Variants in TRDN observed in about 807,000 individuals in gnomAD.
TRDN encodes the protein triadin in skeletal muscle.
Under a neutral mutation model 149.7 loss-of-function variants are expected in TRDN, and 161 were observed. The observed-to-expected ratio is 1.08, with a 90% CI of 0.95 to 1.23. The LOEUF is 1.23. TRDN is among the 50% of genes most tolerant of loss of function. The pLI, the probability that TRDN is intolerant of heterozygous loss-of-function variation, is 0.00. For missense variants in TRDN, 896 were observed against 823.5 expected (o/e 1.09, Z -1.08); for synonymous variants, 294 against 250.5 (o/e 1.17, Z -1.64).
At chr6:123,567,222 C>A (rs1389652154) in intron 2 of TRDN, among the ~76,000 whole-genome samples, 2 of 152,132 alleles carry the variant, frequency 1.3e-5, no homozygotes, top group East Asian at 3.9e-4. Flanking sequence ...ATTTTAAAAG[C>A]CTCTATTATA....
intron 22 of TRDN, among the ~76,000 whole-genome samples, chr6:123,334,910 C>T (rs1018337147): frequency 2.2e-4 from 34 of 151,944 alleles, no homozygotes; most frequent in Non-Finnish European, 2.9e-4. Context: ...CACATGCAGG[C>T]GGAATGTATG....
intron 8 of TRDN, among the ~76,000 whole-genome samples, chr6:123,497,518 A>C (rs1009152402): frequency 1.1e-4 from 17 of 152,300 alleles, no homozygotes; most frequent in African/African-American, 4.1e-4. Flanking sequence ...GGTTGTTTTC[A>C]AAATAAAAAC....
At position 123,369,338 on chromosome 6, in the gene TRDN, C is replaced by A. The variant is rs142108957; in HGVS notation, c.1274-3156G>T. ...ATCTATGAAGACCCTATTTCAAAAT[C>A]GGTCACATTCATAGGTACCAGGGTA... On this transcript the variant is annotated intron_variant, in intron 19 of 40. Coordinates refer to ENST00000334268, the MANE Select transcript of TRDN (RefSeq NM_006073.4). Among the ~76,000 whole-genome samples, 8 of 152,218 alleles carry A rather than the reference C, an allele frequency of 5.3e-5. No individual in the cohort carries two copies. The East Asian group carries it at 1.5e-3, about 29-fold the overall frequency.
intron 2 of TRDN, among the ~76,000 whole-genome samples, chr6:123,549,280 G>C (rs1781269957): frequency 6.6e-6 from 1 of 151,890 alleles, no homozygotes; most frequent in Non-Finnish European, 1.5e-5. Flanking sequence ...TTTGCTAAAT[G>C]AAAGATTGAA....
At chr6:123,345,245 GT>G (rs915436023) in intron 21 of TRDN, among the ~76,000 whole-genome samples, 2 of 151,918 alleles carry the variant, frequency 1.3e-5, no homozygotes, top group South Asian at 2.1e-4. Context: ...ATTTTTGAGG[GT>G]TTTTTGTTTT....
intron 21 of TRDN, chr6:123,350,517 T>C: frequency 1.6e-6 from 1 of 640,704 alleles, no homozygotes; most frequent in Non-Finnish European, 1.9e-6. Context: ...CTAAAAACTA[T>C]GTAAGAAAGC....
chr6:123,325,559 T>A (rs1262423867), intron 23 of TRDN, among the ~76,000 whole-genome samples: 1 of 152,120 alleles, frequency 6.6e-6, no homozygotes, highest in Non-Finnish European at 1.5e-5. Context: ...ATAAAATATA[T>A]AGATTAATTG....
Position 123,260,636 on chromosome 6 carries a change from CT to C in TRDN, c.1806del (p.Gly603GlufsTer26). On this transcript the variant is annotated frameshift_variant and splice_region_variant, in exon 34 of 41. Coordinates refer to ENST00000334268, the MANE Select transcript of TRDN (RefSeq NM_006073.4). LOFTEE classifies it high-confidence loss of function. The stretch of plus-strand genomic sequence containing the variant: ...CCTGATTCTGTGACTTCTGATGTTC[CT>C]TCTTTAGAAAAAAAAAAAAAAAGAA... ...IKTDKPKPTP[K>X]GTSEVTESGK... is the part of the protein sequence containing the mutation. 9.1e-7 allele frequency: 1 copy of C among 1,102,910 alleles called. No homozygotes were observed. The highest frequency in any genetic ancestry group is 4.3e-5 in the Admixed American group (1 of 23,294). The allele number at this position is 1,102,910 out of a possible 1,614,324, so 68.3% of individuals were successfully genotyped here. A position where few individuals can be genotyped will look rare whatever the true frequency, so the allele number is the denominator to read the frequency against.
In TRDN at chr6:123,543,294, T is replaced by C. The variant is rs1039225714; in HGVS notation, c.424+4046A>G. On this transcript the variant is annotated intron_variant, in intron 4 of 40. Coordinates refer to ENST00000334268, the MANE Select transcript of TRDN (RefSeq NM_006073.4). Reference sequence around the variant, plus strand: ...CATTTACTATTTTATTTAATAAATGTTCATCATTAGTCTTTGGGAATGTGG... The same window carrying C: ...CATTTACTATTTTATTTAATAAATGCTCATCATTAGTCTTTGGGAATGTGG... 1.1e-4 allele frequency among the ~76,000 whole-genome samples: 17 copies of C among 152,306 alleles called. No individual in the cohort carries two copies. In the East Asian group the frequency reaches 2.1e-3, roughly 19 times the overall value.
intron 24 of TRDN, among the ~76,000 whole-genome samples, chr6:123,304,687 T>C (rs569294033): frequency 6.6e-6 from 1 of 152,274 alleles, no homozygotes; most frequent in African/African-American, 2.4e-5. Flanking sequence ...GTGTTTTCGG[T>C]GCACAGCATT....
At chr6:123,353,003 C>A (rs1239263213) in intron 20 of TRDN, among the ~76,000 whole-genome samples, 1 of 151,818 alleles carries the variant, frequency 6.6e-6, no homozygotes, top group Admixed American at 6.6e-5. Flanking sequence ...ATAGTGTAGT[C>A]ATGCCTGAGA....
intron 23 of TRDN, among the ~76,000 whole-genome samples, chr6:123,325,778 A>G (rs1048321322): frequency 2.0e-5 from 3 of 152,132 alleles, no homozygotes; most frequent in Non-Finnish European, 4.4e-5. Flanking sequence ...CATATGTTGA[A>G]TTAACTTATT....
intron 1 of TRDN, among the ~76,000 whole-genome samples, chr6:123,599,328 TAG>T (rs66816151): frequency 0.057 from 8,658 of 152,052 alleles, 793 homozygotes; most frequent in African/African-American, 0.2. Flanking sequence ...CCTGGAGGCT[TAG>T]AGTTTCATTT....
chr6:123,314,346 A>G (rs1321589689), intron 24 of TRDN, among the ~76,000 whole-genome samples: 1 of 152,036 alleles, frequency 6.6e-6, no homozygotes, highest in Non-Finnish European at 1.5e-5. Context: ...TCTAAAAGTA[A>G]CAGATACCGA....
At chr6:123,517,494 G>A (rs759423356) in intron 5 of TRDN, among the ~76,000 whole-genome samples, 1 of 151,858 alleles carries the variant, frequency 6.6e-6, no homozygotes, top group Non-Finnish European at 1.5e-5. Context: ...TGCTTAGTAT[G>A]GTATCTGTCA....
In TRDN at chr6:123,634,383, G is replaced by A. The variant is rs148614323; in HGVS notation, c.22+2371C>T. Among the ~76,000 whole-genome samples the A allele has an allele frequency of 2.2e-4, 34 of 152,068 alleles. No individual in the cohort carries two copies. The South Asian group carries it at 3.3e-3, about 15-fold the overall frequency. On this transcript the variant is annotated intron_variant, in intron 1 of 40. Coordinates refer to ENST00000334268, the MANE Select transcript of TRDN (RefSeq NM_006073.4). ...TGGAACCCAGGAGTTTGAGACTGCA[G>A]TGAGCTATGATCATGCCACTGCATT...
intron 16 of TRDN, among the ~76,000 whole-genome samples, chr6:123,379,299 C>T (rs1272017276): frequency 1.3e-5 from 2 of 152,112 alleles, no homozygotes; most frequent in African/African-American, 4.8e-5. Context: ...GCAACTTATC[C>T]TCTTTTAAGA....
At chr6:123,611,747 G>C (rs1784820749) in intron 1 of TRDN, among the ~76,000 whole-genome samples, 3 of 152,082 alleles carry the variant, frequency 2.0e-5, no homozygotes, top group Non-Finnish European at 2.9e-5. Context: ...AAATATTCTT[G>C]ATACACAGAG....
intron 5 of TRDN, among the ~76,000 whole-genome samples, chr6:123,521,378 G>C (rs1183409814): frequency 6.6e-6 from 1 of 152,056 alleles, no homozygotes; most frequent in East Asian, 1.9e-4. Flanking sequence ...TTTGGGTCCA[G>C]AGAAGGATAT....
Sources: allele counts gnomAD v4.1 joint callset (sites outside exome capture counted in the v4.1 genomes callset), GRCh38; gene constraint gnomAD v4.1.1; transcripts MANE v1.5; gene names NCBI Gene and HGNC (gene_info 2026-07-23, HGNC 2026-07-21).